CTNND2: variants seen among roughly 807,000 people sequenced by gnomAD.
The protein encoded by CTNND2 is catenin delta-2.
Under a neutral mutation model 144.4 loss-of-function variants are expected in CTNND2, and 22 were observed. The observed-to-expected ratio is 0.15, with a 90% CI of 0.11 to 0.22. The LOEUF is 0.22. Ranked by LOEUF, CTNND2 falls within the 10% of genes least tolerant of loss-of-function variation. The pLI is 1.00. For missense variants in CTNND2, 1,353 were observed against 1,618.8 expected (o/e 0.84, Z 2.82); for synonymous variants, 751 against 695.6 (o/e 1.08, Z -1.25).
At chr5:11,181,548 A>G (rs916995838) in intron 11 of CTNND2, among the ~76,000 whole-genome samples, 12 of 152,184 alleles carry the variant, frequency 7.9e-5, no homozygotes, top group Non-Finnish European at 1.6e-4. Flanking sequence ...GAACAGATAC[A>G]CAAAGAAGTC....
intron 2 of CTNND2, among the ~76,000 whole-genome samples, chr5:11,690,888 T>A (rs1422507501): frequency 1.3e-5 from 2 of 151,076 alleles, no homozygotes; most frequent in African/African-American, 4.8e-5. Flanking sequence ...AATTAATAAC[T>A]CCATGTAGAA....
chr5:11,672,159 G>C (rs530516847), intron 2 of CTNND2, among the ~76,000 whole-genome samples: 2 of 152,146 alleles, frequency 1.3e-5, no homozygotes, highest in East Asian at 3.9e-4. Context: ...TGGAAGCTTC[G>C]TCCCAGAGGG....
At chr5:11,854,151 G>A (rs4501341) in intron 1 of CTNND2, among the ~76,000 whole-genome samples, 105,370 of 152,110 alleles carry the variant, frequency 0.69, 36,615 homozygotes, top group South Asian at 0.78. Flanking sequence ...CGGGTGGCCC[G>A]TTGTGCTCAC....
intron 3 of CTNND2, among the ~76,000 whole-genome samples, chr5:11,429,517 A>G (rs1763088360): frequency 6.6e-6 from 1 of 152,156 alleles, no homozygotes. Flanking sequence ...CTGCCAGGAC[A>G]TTCTTCATTT....
At chr5:11,719,229 ACT>A (rs1786524779) in intron 2 of CTNND2, among the ~76,000 whole-genome samples, 1 of 152,014 alleles carries the variant, frequency 6.6e-6, no homozygotes, top group Admixed American at 6.6e-5. Context: ...ATTAGCCCAC[ACT>A]CTATGGCCAC....
At chr5:11,434,554 C>A (rs1362800227) in intron 3 of CTNND2, among the ~76,000 whole-genome samples, 2 of 152,044 alleles carry the variant, frequency 1.3e-5, no homozygotes, top group African/African-American at 4.8e-5. Flanking sequence ...TTAATATGCA[C>A]AATAAACTAT....
At chr5:11,039,071 AAAGC>A (rs546739659) in intron 16 of CTNND2, among the ~76,000 whole-genome samples, 28 of 152,272 alleles carry the variant, frequency 1.8e-4, no homozygotes, top group African/African-American at 5.3e-4. Flanking sequence ...AAACAATCCC[AAAGC>A]AAGCAAGCAA....
rs1373390518 is a variant in CTNND2, at chr5:11,727,371, T to C, written c.174+4765A>G. ...AAGGCTTTCTGATCCTTGCTCCCCC[T>C]TCCTTGTTATAAACCATATCATGTG... On this transcript the variant is annotated intron_variant, in intron 2 of 21. Coordinates refer to ENST00000304623, the MANE Select transcript of CTNND2 (RefSeq NM_001332.4). Among the ~76,000 whole-genome samples the C allele has an allele frequency of 5.9e-5, 9 of 152,296 alleles. 1 individual carries two copies. The highest frequency in any genetic ancestry group is 2.2e-4 in the African/African-American group (9 of 41,572).
chr5:11,601,003 T>C (rs1561608620), intron 2 of CTNND2, among the ~76,000 whole-genome samples: 1 of 152,092 alleles, frequency 6.6e-6, no homozygotes, highest in Non-Finnish European at 1.5e-5. Flanking sequence ...TATTCTAATT[T>C]GACTTGCATA....
At chr5:11,755,899 T>G (rs2126794753) in intron 1 of CTNND2, among the ~76,000 whole-genome samples, 1 of 151,732 alleles carries the variant, frequency 6.6e-6, no homozygotes, top group South Asian at 2.1e-4. Flanking sequence ...TTCATGATCT[T>G]TTTTCCTACC....
chr5:11,348,131 G>A (rs975066969), intron 8 of CTNND2, among the ~76,000 whole-genome samples: 1 of 152,210 alleles, frequency 6.6e-6, no homozygotes, highest in East Asian at 1.9e-4. Context: ...TTGAAATAAC[G>A]AAGGTTGTCC....
intron 9 of CTNND2, among the ~76,000 whole-genome samples, chr5:11,343,936 GC>G (rs1489610513): frequency 6.6e-6 from 1 of 152,026 alleles, no homozygotes; most frequent in Admixed American, 6.6e-5. Context: ...TAAATAATAA[GC>G]CATAACGCCA....
At chr5:11,296,841 G>A (rs949256985) in intron 9 of CTNND2, among the ~76,000 whole-genome samples, 7 of 152,122 alleles carry the variant, frequency 4.6e-5, no homozygotes, top group African/African-American at 1.7e-4. Flanking sequence ...TGTGGCATGG[G>A]GGGAGTGGGG....
intron 3 of CTNND2, among the ~76,000 whole-genome samples, chr5:11,559,494 A>C (rs1004053247): frequency 6.6e-6 from 1 of 152,180 alleles, no homozygotes; most frequent in Admixed American, 6.5e-5. Flanking sequence ...CAATAGTAAA[A>C]TGGTTGTTGT....
intron 14 of CTNND2, among the ~76,000 whole-genome samples, chr5:11,101,428 C>T (rs1039393322): frequency 3.9e-5 from 6 of 152,196 alleles, no homozygotes; most frequent in African/African-American, 1.4e-4. Flanking sequence ...CACATGCAAA[C>T]TTTTGAGGCT....
At chr5:11,488,371 T>C (rs1053365415) in intron 3 of CTNND2, among the ~76,000 whole-genome samples, 2 of 152,178 alleles carry the variant, frequency 1.3e-5, no homozygotes, top group Admixed American at 6.6e-5. Context: ...GCTACTTCTC[T>C]TGCCCCACCA....
chr5:11,433,590 A>G (rs31817), intron 3 of CTNND2, among the ~76,000 whole-genome samples: 14,806 of 152,194 alleles, frequency 0.097, 2,279 homozygotes, highest in African/African-American at 0.33. Context: ...AAGGAAAAGG[A>G]GGAGCAGGTG....
intron 1 of CTNND2, among the ~76,000 whole-genome samples, chr5:11,836,566 C>T (rs1581977105): frequency 6.7e-6 from 1 of 149,336 alleles, no homozygotes; most frequent in Admixed American, 6.6e-5. Flanking sequence ...ATTAGCCAAA[C>T]AGACAATTTA....
chr5:11,439,742 ATC>A, intron 3 of CTNND2, among the ~76,000 whole-genome samples: 1 of 9,848 alleles, frequency 1.0e-4, no homozygotes, highest in Non-Finnish European at 2.1e-4. Flanking sequence ...TGCTAGCTAT[ATC>A]TATCTATCTA....
Sources: gnomAD v4.1 joint callset for allele counts (sites outside exome capture counted in the v4.1 genomes callset) on GRCh38, gnomAD v4.1.1 for gene constraint, MANE v1.5 for transcripts, NCBI Gene and HGNC (gene_info 2026-07-23, HGNC 2026-07-21) for gene names.